The following ERBB2 variants were observed in gnomAD, a reference collection of about 807,000 sequenced individuals.
ERBB2 encodes the protein erb-b2 receptor tyrosine kinase 2.
ERBB2 carries 61 observed loss-of-function variants against 149.0 expected under a neutral mutation model. The ratio of observed to expected loss-of-function variants is 0.41; its 90% CI spans 0.33 to 0.51. The LOEUF is 0.51. Among genes scored for constraint, ERBB2 ranks in the 20% least tolerant of loss-of-function variants. The pLI is 0.25. For synonymous variants in ERBB2, 633 were observed against 678.8 expected (o/e 0.93, Z 1.05); for missense variants, 1,205 against 1,655.1 (o/e 0.73, Z 4.72).
chr17:39,718,990 G>GA (rs2059302666), intron 15 of ERBB2, among the ~76,000 whole-genome samples: 3 of 152,092 alleles, frequency 2.0e-5, no homozygotes, highest in Admixed American at 2.0e-4. Context: ...GCTGGGCATG[G>GA]TGGCTCACGC....
intron 2 of ERBB2, 170 bp downstream of exon 2, chr17:39,707,311 A>G: frequency 1.8e-6 from 1 of 553,666 alleles, no homozygotes. Flanking sequence ...TTACTGCAGA[A>G]TCAGTTGACT....
At position 39,709,778 on chromosome 17, in the gene ERBB2, T is replaced by G. The variant is rs776322334; in HGVS notation, c.575-35T>G. On this transcript the variant is annotated intron_variant, in intron 4 of 26. Coordinates refer to ENST00000269571, the MANE Select transcript of ERBB2 (RefSeq NM_004448.4). ...TAACCCGTCCTCTCGCTGTTAGACA[T>G]CTCTCTCACTGCCTGTCTCTGGTTC... The G allele has an allele frequency of 1.9e-6, 3 of 1,585,340 alleles. No homozygotes were observed. The African/African-American group carries it at 4.0e-5, about 21-fold the overall frequency.
At chr17:39,717,505 G>A (rs2145714608) in intron 15 of ERBB2, 25 bp downstream of exon 15, 1 of 1,580,670 alleles carries the variant, frequency 6.3e-7, no homozygotes, top group Non-Finnish European at 8.6e-7. Flanking sequence ...CTTTTCTGCA[G>A]AAAGGAGGAC....
intron 1 of ERBB2, among the ~76,000 whole-genome samples, chr17:39,706,428 G>A (rs1274934980): frequency 6.6e-6 from 1 of 152,160 alleles, no homozygotes; most frequent in Non-Finnish European, 1.5e-5. Context: ...CCAGAGCCCC[G>A]GTTGTCCCAT....
Position 39,715,268 on chromosome 17 carries a change from C to T in ERBB2, c.1149-18C>T, listed in dbSNP as rs2145629047. 1 of 1,613,218 alleles carries T rather than the reference C, an allele frequency of 6.2e-7. No homozygotes were observed. The highest frequency in any genetic ancestry group is 8.5e-7 in the Non-Finnish European group (1 of 1,179,348). ...ACCCTGTTCCTGGCCCTGCTGACTC[C>T]TCTCCTGACCCCTCCAGGGACCCAG... On this transcript the variant is annotated intron_variant, in intron 9 of 26. Coordinates refer to ENST00000269571, the MANE Select transcript of ERBB2 (RefSeq NM_004448.4).
At chr17:39,717,213 T>A in intron 14 of ERBB2, 107 bp from the exon 15 acceptor site, 2 of 898,806 alleles carry the variant, frequency 2.2e-6, no homozygotes, top group South Asian at 4.6e-5. Flanking sequence ...CGAAAATTGC[T>A]GCTGGGTGGC....
chr17:39,691,928 C>CATATATATATATATAT (rs1459402681), upstream of ERBB2, among the ~76,000 whole-genome samples: 11 of 93,624 alleles, frequency 1.2e-4, no homozygotes, highest in African/African-American at 4.1e-4. Flanking sequence ...TATACATATA[C>CATATATATATATATAT]ATATACATAT....
intron 15 of ERBB2, among the ~76,000 whole-genome samples, chr17:39,719,311 C>T (rs2059323123): frequency 6.6e-6 from 1 of 151,936 alleles, no homozygotes. Context: ...CATATGGATC[C>T]TAGATCCAGA....
At chr17:39,697,050 G>A (rs563799440), upstream of ERBB2, among the ~76,000 whole-genome samples, 1 of 152,282 alleles carries the variant, frequency 6.6e-6, no homozygotes, top group African/African-American at 2.4e-5. Context: ...GGATGATGGG[G>A]TGAGAGTAAG....
rs2145630706 is a variant in ERBB2, at chr17:39,715,297, C to T, written c.1160C>T (p.Ser387Phe). ...CCTGACCCCTCCAGGGACCCAGCCT[C>T]CAACACTGCCCCGCTCCAGCCAGAG... is the stretch of plus-strand genomic sequence containing the variant. ...LPESFDGDPA[S>F]NTAPLQPEQL... is the part of the protein sequence containing the mutation. The change falls in exon 10 of 27, where the codon TCC becomes TTC. Residue 387 changes from serine (S) to phenylalanine (F), a missense_variant. By Grantham distance (155) the Ser-to-Phe change is radical. This residue lies in a region of ERBB2 where 569 missense variants were observed against 803.5 expected (regional missense o/e 0.71). Coordinates refer to ENST00000269571, the MANE Select transcript of ERBB2 (RefSeq NM_004448.4). 6.2e-7 allele frequency: 1 copy of T among 1,614,046 alleles called. No individual in the cohort carries two copies. Among genetic ancestry groups the T allele is most frequent in the Non-Finnish European group, 8.5e-7 (1 of 1,179,952 alleles).
intron 1 of ERBB2, among the ~76,000 whole-genome samples, chr17:39,706,573 T>C (rs935464949): frequency 1.3e-5 from 2 of 152,102 alleles, no homozygotes; most frequent in African/African-American, 4.8e-5. Flanking sequence ...GTTTGTTTGC[T>C]TGGGAGAGGG....
chr17:39,694,257 ATATATATATATG>A (rs1202014832), upstream of ERBB2, among the ~76,000 whole-genome samples: 35 of 28,884 alleles, frequency 1.2e-3, no homozygotes, highest in African/African-American at 2.8e-3. Flanking sequence ...ATATATATAT[ATATATATATATG>A]TGTGTATATA....
chr17:39,708,544 A>C lies in ERBB2; in HGVS notation c.439+10A>C, dbSNP rs2145448258. On this transcript the variant is annotated intron_variant, in intron 3 of 26. Transcript: ENST00000269571. The stretch of plus-strand genomic sequence containing the variant: ...CTTCGAAGCCTCACAGGTGGCCTTC[A>C]CCGTCATTGAAACCTTCTCTTGGTT... 13 of 1,609,508 alleles carry C rather than the reference A, an allele frequency of 8.1e-6. No homozygotes were observed. The highest frequency in any genetic ancestry group is 1.1e-5 in the Non-Finnish European group (13 of 1,176,210).
At chr17:39,714,563 T>C (rs2059006005) in intron 9 of ERBB2, among the ~76,000 whole-genome samples, 2 of 152,220 alleles carry the variant, frequency 1.3e-5, no homozygotes, top group South Asian at 4.1e-4. Flanking sequence ...CTTAGAACAG[T>C]GCCTGGCAGA....
At position 39,726,914 on chromosome 17, in the gene ERBB2, C is replaced by G. The variant is rs4252654; in HGVS notation, c.3070C>G (p.Leu1024Val). 1 of 1,613,898 alleles carries G rather than the reference C, an allele frequency of 6.2e-7. No individual in the cohort carries two copies. Among genetic ancestry groups the G allele is most frequent in the Non-Finnish European group, 8.5e-7 (1 of 1,179,886 alleles). The change falls in exon 25 of 27, where the codon CTG becomes GTG. Residue 1024 changes from leucine (L) to valine (V), a missense_variant. By Grantham distance (32) the Leu-to-Val change is conservative. Around this residue, in one of 6 missense-constraint regions of ERBB2, gnomAD observed 312 missense variants for 343.8 expected, o/e 0.91. Coordinates refer to ENST00000269571, the MANE Select transcript of ERBB2 (RefSeq NM_004448.4). The surrounding 1 kb of genome is among the most constrained non-coding windows in gnomAD (Gnocchi z 5.1). ...GGACCTGGTGGATGCTGAGGAGTATCTGGTACCCCAGCAGGGCTTCTTCTG... is the reference window on the plus strand; with the variant it reads ...GGACCTGGTGGATGCTGAGGAGTATGTGGTACCCCAGCAGGGCTTCTTCTG... ...MGDLVDAEEY[L>V]VPQQGFFCPD...
At chr17:39,706,035 C>A (rs951728947) in intron 1 of ERBB2, among the ~76,000 whole-genome samples, 1 of 152,216 alleles carries the variant, frequency 6.6e-6, no homozygotes. Context: ...AGCTGCTACC[C>A]CGGCGCCCCT....
chr17:39,694,267 A>ATATACACATATATATG (rs1268197240), upstream of ERBB2, among the ~76,000 whole-genome samples: 1 of 25,612 alleles, frequency 3.9e-5, no homozygotes, highest in African/African-American at 1.1e-4. Context: ...ATATATATAT[A>ATATACACATATATATG]TGTGTGTATA....
chr17:39,717,232 G>A (rs2059183779), intron 14 of ERBB2, 88 bp from the exon 15 acceptor site: 2 of 1,160,728 alleles, frequency 1.7e-6, no homozygotes, highest in South Asian at 1.8e-5. Context: ...GCCTTGGGAA[G>A]CACAAAGGGG....
In ERBB2 at chr17:39,714,726, G is replaced by A. The variant is rs1017582637; in HGVS notation, c.1149-560G>A. ...CTTTGTGTGTGGCTCTGGGAACATG[G>A]GCCAGTGTCTCCCTAGGCCACATTC... On this transcript the variant is annotated intron_variant, in intron 9 of 26. Coordinates refer to ENST00000269571, the MANE Select transcript of ERBB2 (RefSeq NM_004448.4). 3.6e-4 allele frequency among the ~76,000 whole-genome samples: 55 copies of A among 151,654 alleles called. 1 individual carries two copies. Among genetic ancestry groups the A allele is most frequent in the Non-Finnish European group, 1.5e-4 (10 of 67,974 alleles).
Sources: allele counts gnomAD v4.1 joint callset (sites outside exome capture counted in the v4.1 genomes callset), GRCh38; gene constraint gnomAD v4.1.1; regional missense constraint gnomAD v4.1.1; non-coding constraint Gnocchi (gnomAD v3.1); transcripts MANE v1.5; gene names NCBI Gene and HGNC (gene_info 2026-07-23, HGNC 2026-07-21).